The following L3MBTL4 variants were observed in gnomAD, a reference collection of about 807,000 sequenced individuals.
The protein encoded by L3MBTL4 is lethal(3)malignant brain tumor-like protein 4.
A neutral mutation model predicts 84.5 loss-of-function variants in L3MBTL4; 70 were observed. The ratio of observed to expected loss-of-function variants is 0.83; its 90% confidence interval spans 0.68 to 1.01. The LOEUF is 1.01. L3MBTL4 is among the 50% of genes least tolerant of loss of function. L3MBTL4 has a pLI of 0.00. For missense variants in L3MBTL4, 715 were observed against 754.8 expected (o/e 0.95, Z 0.62); for synonymous variants, 274 against 259.8 (o/e 1.05, Z -0.52).
chr18:6,385,686 T>C (rs893894885), intron 1 of L3MBTL4, among the ~76,000 whole-genome samples: 2 of 152,234 alleles, frequency 1.3e-5, no homozygotes, highest in Non-Finnish European at 2.9e-5. Context: ...TTATTAGTTA[T>C]ATAAATTAAT....
intron 13 of L3MBTL4, among the ~76,000 whole-genome samples, chr18:6,163,259 TGGGGGGGGGGTGG>T (rs375138826): frequency 3.3e-4 from 19 of 57,354 alleles, no homozygotes; most frequent in East Asian, 1.4e-3. Flanking sequence ...TGTGTGTGTG[TGGGGGGGGGGTGG>T]GTGTGTGTGT....
At chr18:6,388,717 G>T (rs1568591810) in intron 1 of L3MBTL4, among the ~76,000 whole-genome samples, 1 of 152,182 alleles carries the variant, frequency 6.6e-6, no homozygotes, top group Non-Finnish European at 1.5e-5. Flanking sequence ...TATTTGTTTT[G>T]TATTCTTTTT....
chr18:6,098,252 G>T (rs2058703601), intron 14 of L3MBTL4, among the ~76,000 whole-genome samples: 1 of 152,162 alleles, frequency 6.6e-6, no homozygotes, highest in South Asian at 2.1e-4. Flanking sequence ...TAACCAAGTT[G>T]TCACGACTTA....
At chr18:6,386,372 A>G (rs775150463) in intron 1 of L3MBTL4, among the ~76,000 whole-genome samples, 5 of 152,222 alleles carry the variant, frequency 3.3e-5, no homozygotes, top group South Asian at 2.1e-4. Flanking sequence ...AGGGTCACAT[A>G]TCAAGGGCCA....
intron 13 of L3MBTL4, among the ~76,000 whole-genome samples, chr18:6,153,435 G>T (rs2144867115): frequency 6.6e-6 from 1 of 151,950 alleles, no homozygotes; most frequent in East Asian, 1.9e-4. Flanking sequence ...TCACCTCCTT[G>T]GTTAAATTTA....
At chr18:6,099,607 T>TATATATATATATATATATATATA (rs201566898) in intron 14 of L3MBTL4, among the ~76,000 whole-genome samples, 2 of 122,840 alleles carry the variant, frequency 1.6e-5, no homozygotes, top group East Asian at 5.6e-4. Flanking sequence ...TATATATATA[T>TATATATATATATATATATATATA]GGAGAGAGAG....
At chr18:6,186,805 C>A (rs1216819274) in intron 12 of L3MBTL4, among the ~76,000 whole-genome samples, 1 of 152,158 alleles carries the variant, frequency 6.6e-6, no homozygotes, top group Admixed American at 6.5e-5. Flanking sequence ...TTCCCAAGTG[C>A]TCTAGGCAGG....
In L3MBTL4 at chr18:6,362,889, T is replaced by C. The variant is rs2053768940; in HGVS notation, c.-90-50833A>G. On this transcript the variant is annotated intron_variant, in intron 1 of 18. Transcript: ENST00000317931. ...GTACTGGGTTTTTCGGAGAGAAGGC[T>C]GGAGAAGGAAGTGTGGGCGCATGCG... 2.0e-5 allele frequency among the ~76,000 whole-genome samples: 3 copies of C among 152,250 alleles called. No homozygotes were observed. The South Asian group carries it at 6.2e-4, about 31-fold the overall frequency.
At position 6,367,950 on chromosome 18, in the gene L3MBTL4, G is replaced by A. The variant is rs542874511; in HGVS notation, c.-91+46851C>T. Among the ~76,000 whole-genome samples the A allele has an allele frequency of 6.6e-5, 10 of 152,174 alleles. No individual in the cohort carries two copies. In the South Asian group the frequency reaches 1.2e-3, roughly 19 times the overall value. On this transcript the variant is annotated intron_variant, in intron 1 of 18. Coordinates refer to ENST00000317931, the MANE Select transcript of L3MBTL4 (RefSeq NM_001330559.2). ...TCTATAAGTTACAGTCACAAAGCTC[G>A]TGAAACATGAATTCAAAACCAAGTC...
chr18:6,312,627 G>A (rs2050893063), intron 1 of L3MBTL4, among the ~76,000 whole-genome samples: 1 of 152,158 alleles, frequency 6.6e-6, no homozygotes, highest in African/African-American at 2.4e-5. Flanking sequence ...ATCATCCCAG[G>A]AGAAAATGCA....
intron 3 of L3MBTL4, among the ~76,000 whole-genome samples, chr18:6,304,704 C>G (rs2050505021): frequency 6.6e-6 from 1 of 152,212 alleles, no homozygotes; most frequent in African/African-American, 2.4e-5. Flanking sequence ...GTCTAATTTT[C>G]CATGGTAGCA....
chr18:6,064,584 A>G (rs1489058531), intron 16 of L3MBTL4, among the ~76,000 whole-genome samples: 3 of 133,356 alleles, frequency 2.2e-5, no homozygotes, highest in Non-Finnish European at 4.7e-5. Context: ...CTCCTTGATT[A>G]AGTATATTCC....
chr18:6,185,227 G>A (rs961403094), intron 12 of L3MBTL4, among the ~76,000 whole-genome samples: 11 of 152,280 alleles, frequency 7.2e-5, no homozygotes, highest in East Asian at 5.8e-4. Context: ...GAGGGAAGGC[G>A]GAGCCAGGGC....
At chr18:6,070,915 TATAAAG>T (rs1344938780) in intron 16 of L3MBTL4, among the ~76,000 whole-genome samples, 1 of 152,150 alleles carries the variant, frequency 6.6e-6, no homozygotes, top group Non-Finnish European at 1.5e-5. Flanking sequence ...AATGATTCTA[TATAAAG>T]ATAAAGATGC....
chr18:6,341,250 C>T (rs1032517669), intron 1 of L3MBTL4, among the ~76,000 whole-genome samples: 2 of 151,788 alleles, frequency 1.3e-5, no homozygotes, highest in Non-Finnish European at 1.5e-5. Context: ...ACCAAAAGAA[C>T]AAAATAAAGC....
At chr18:6,107,938 C>T (rs1027621341) in intron 14 of L3MBTL4, among the ~76,000 whole-genome samples, 5 of 152,120 alleles carry the variant, frequency 3.3e-5, no homozygotes, top group Admixed American at 2.0e-4. Flanking sequence ...TTACTTTGCC[C>T]AAGTGACAAG....
chr18:6,124,451 TA>T lies in L3MBTL4; in HGVS notation c.1199+13742del, dbSNP rs201701687. ...TTATATTATTATATATATGTATATA[TA>T]AAAATTATATATACAATTATATATA... is the stretch of plus-strand genomic sequence containing the variant. On this transcript the variant is annotated intron_variant, in intron 14 of 18. Coordinates refer to ENST00000317931, the MANE Select transcript of L3MBTL4 (RefSeq NM_001330559.2). Among the ~76,000 whole-genome samples the T allele has an allele frequency of 3.7e-3, 543 of 148,166 alleles. 3 individuals carry two copies. Among genetic ancestry groups the T allele is most frequent in the African/African-American group, 0.013 (524 of 40,696 alleles).
At chr18:6,110,889 C>T (rs968569684) in intron 14 of L3MBTL4, among the ~76,000 whole-genome samples, 3 of 152,030 alleles carry the variant, frequency 2.0e-5, no homozygotes, top group African/African-American at 7.3e-5. Context: ...TCTGTGTGTT[C>T]GTGGAATTTT....
chr18:6,089,459 T>TC (rs1347652214), intron 15 of L3MBTL4, among the ~76,000 whole-genome samples: 1 of 152,184 alleles, frequency 6.6e-6, no homozygotes, highest in Non-Finnish European at 1.5e-5. Flanking sequence ...AACAGACGCA[T>TC]CATAAGGTGA....
Sources: gnomAD v4.1 joint callset for allele counts (sites outside exome capture counted in the v4.1 genomes callset) on GRCh38, gnomAD v4.1.1 for gene constraint, MANE v1.5 for transcripts, NCBI Gene and HGNC (gene_info 2026-07-23, HGNC 2026-07-21) for gene names.